The following BICDL1 variants were observed in gnomAD, a reference collection of about 807,000 sequenced individuals.
The protein encoded by BICDL1 is BICD family like cargo adaptor 1, also known as BICD family-like cargo adapter 1.
Under a neutral mutation model 76.8 loss-of-function variants are expected in BICDL1, and 20 were observed. That is an observed-to-expected ratio of 0.26 (90% CI 0.18 to 0.38). The LOEUF is 0.38. BICDL1 is among the 10% of genes least tolerant of loss of function. The probability of loss-of-function intolerance (pLI) is 1.00; values close to 1 mark genes in which losing one functional copy is unlikely to be tolerated. For missense variants in BICDL1, 700 were observed against 798.6 expected, an observed-to-expected ratio of 0.88 and a Z score of 1.49; for synonymous variants, 383 against 337.1, an observed-to-expected ratio of 1.14 and a Z score of -1.49.
Position 120,093,077 on chromosome 12 carries a change from C to T in BICDL1, c.1782C>T (p.Leu594=). The change falls in exon 10 of 10, where the codon CTC becomes CTT. Residue 594 remains leucine, a synonymous_variant. Coordinates refer to ENST00000548673, the MANE Select transcript of BICDL1 (RefSeq NM_001367886.1). The stretch of plus-strand genomic sequence containing the variant: ...AACGGAGCCAGCCGGCTGCTGCCCT[C>T]TGCAGGGGCCACAGCGCTGGGCGGG... ...LKERSQPAAA[L]CRGHSAGRGD... is the part of the protein sequence containing the mutation. 8.7e-6 allele frequency: 14 copies of T among 1,609,144 alleles called. No homozygotes were observed. Among genetic ancestry groups the T allele is most frequent in the Non-Finnish European group, 1.2e-5 (14 of 1,177,220 alleles).
chr12:120,091,974 G>A, intron 9 of BICDL1: 2 of 985,374 alleles, frequency 2.0e-6, no homozygotes, highest in Non-Finnish European at 2.4e-6. Context: ...CTCACTCAGG[G>A]GTTTAGCCAG....
intron 7 of BICDL1, among the ~76,000 whole-genome samples, chr12:120,077,494 C>G (rs1024150025): frequency 2.0e-5 from 3 of 152,148 alleles, no homozygotes; most frequent in African/African-American, 7.2e-5. Flanking sequence ...AGGCCCTCAG[C>G]CAGTTCTCAG....
intron 4 of BICDL1, among the ~76,000 whole-genome samples, chr12:120,065,325 C>G (rs1953197352): frequency 6.6e-6 from 1 of 152,244 alleles, no homozygotes; most frequent in African/African-American, 2.4e-5. Flanking sequence ...AAGCTGCCCA[C>G]TGAACACAGC....
intron 2 of BICDL1, among the ~76,000 whole-genome samples, chr12:120,054,487 T>G: frequency 6.6e-6 from 1 of 152,210 alleles, no homozygotes; most frequent in Non-Finnish European, 1.5e-5. Context: ...TCTTCATCAA[T>G]GCATTATAAT....
chr12:120,091,991 T>C, intron 9 of BICDL1: 1 of 985,390 alleles, frequency 1.0e-6, no homozygotes, highest in Non-Finnish European at 1.2e-6. Flanking sequence ...CCAGAAAAGC[T>C]TGGGGTCTTA....
chr12:120,002,042 A>T lies in BICDL1; in HGVS notation c.645+3306A>T, dbSNP rs111364641. 1.3e-3 allele frequency among the ~76,000 whole-genome samples: 199 copies of T among 152,170 alleles called. 1 individual carries two copies. The highest frequency in any genetic ancestry group is 3.8e-3 in the African/African-American group (158 of 41,520). ...GTGAGACTTTGTCTCTTAAAAAAAA[A>T]TTTTTTTAAGTGTATAATTGGGTAG... On this transcript the variant is annotated intron_variant, in intron 2 of 9. Transcript: ENST00000548673.
At chr12:120,089,821 C>T (rs556125407) in intron 8 of BICDL1, 130 bp from the exon 9 acceptor site, 3 of 1,059,970 alleles carry the variant, frequency 2.8e-6, no homozygotes, top group Non-Finnish European at 4.1e-6. Context: ...GTTATTGTTG[C>T]AGCTGCTATT....
chr12:120,081,075 C>T (rs866644420), intron 8 of BICDL1, 58 bp downstream of exon 8: 3 of 1,541,034 alleles, frequency 1.9e-6, no homozygotes, highest in Admixed American at 3.5e-5. Context: ...TAGAATTGAG[C>T]ATATGCTCAA....
chr12:120,038,925 T>G (rs1952577769), intron 2 of BICDL1, among the ~76,000 whole-genome samples: 1 of 152,184 alleles, frequency 6.6e-6, no homozygotes, highest in Non-Finnish European at 1.5e-5. Context: ...TAATTCCACT[T>G]GCATCTAGAG....
At chr12:120,023,545 T>A (rs939904763) in intron 2 of BICDL1, among the ~76,000 whole-genome samples, 1 of 152,156 alleles carries the variant, frequency 6.6e-6, no homozygotes. Flanking sequence ...TCCCAGCACT[T>A]TGGGAGGCCA....
intron 2 of BICDL1, among the ~76,000 whole-genome samples, chr12:120,030,891 G>T (rs1466135712): frequency 1.3e-5 from 2 of 152,004 alleles, no homozygotes; most frequent in African/African-American, 4.8e-5. Flanking sequence ...TTGCCTCAAG[G>T]CATGGGTTTT....
chr12:120,008,007 C>T (rs1951881080), intron 2 of BICDL1, among the ~76,000 whole-genome samples: 2 of 152,160 alleles, frequency 1.3e-5, no homozygotes, highest in Admixed American at 1.3e-4. Flanking sequence ...AATTTTTAGT[C>T]ATCCTATTCT....
intron 2 of BICDL1, among the ~76,000 whole-genome samples, chr12:120,032,157 T>C (rs1227657925): frequency 6.6e-6 from 1 of 152,204 alleles, no homozygotes; most frequent in East Asian, 1.9e-4. Flanking sequence ...ACCTCACATC[T>C]ACCTGTGTTA....
At chr12:120,009,900 T>C (rs933323262) in intron 2 of BICDL1, among the ~76,000 whole-genome samples, 2 of 152,244 alleles carry the variant, frequency 1.3e-5, no homozygotes, top group Non-Finnish European at 2.9e-5. Flanking sequence ...GGGCCAATAG[T>C]CCAGTGCTAT....
At chr12:120,052,679 T>C (rs1004332750) in intron 2 of BICDL1, among the ~76,000 whole-genome samples, 2 of 152,222 alleles carry the variant, frequency 1.3e-5, no homozygotes, top group African/African-American at 2.4e-5. Context: ...TATGAAAATA[T>C]CCTGTTTCTC....
chr12:120,092,091 T>G (rs543800612), intron 9 of BICDL1: 1 of 985,450 alleles, frequency 1.0e-6, no homozygotes, highest in East Asian at 1.1e-4. Context: ...TTACACAGGC[T>G]GCTCATATTT....
Position 120,080,814 on chromosome 12 carries a change from T to A in BICDL1, c.1453-73T>A, listed in dbSNP as rs976343397. On this transcript the variant is annotated intron_variant, in intron 7 of 9. Transcript: ENST00000548673. ...ACCCTGGTCCTGCCTGGGGTCTCTTTGTTCCTTTTTCCCTCTTGGAGGGAA... is the reference window on the plus strand; with the variant it reads ...ACCCTGGTCCTGCCTGGGGTCTCTTAGTTCCTTTTTCCCTCTTGGAGGGAA... 3 of 1,566,840 alleles carry A rather than the reference T, an allele frequency of 1.9e-6. No individual in the cohort carries two copies. The African/African-American group carries it at 4.1e-5, about 21-fold the overall frequency.
intron 9 of BICDL1, chr12:120,091,563 G>C: frequency 4.1e-6 from 4 of 985,012 alleles, no homozygotes; most frequent in Non-Finnish European, 4.8e-6. Flanking sequence ...AGCTCTGAGG[G>C]GCAAGTGGAA....
At chr12:120,031,264 C>T (rs547370213) in intron 2 of BICDL1, among the ~76,000 whole-genome samples, 3 of 147,566 alleles carry the variant, frequency 2.0e-5, no homozygotes, top group African/African-American at 5.0e-5. Flanking sequence ...AGTGCAGTGG[C>T]ACAATCTCAG....
Sources: gnomAD v4.1 joint callset for allele counts (sites outside exome capture counted in the v4.1 genomes callset) on GRCh38, gnomAD v4.1.1 for gene constraint, MANE v1.5 for transcripts, NCBI Gene and HGNC (gene_info 2026-07-23, HGNC 2026-07-21) for gene names.